PCDH9: variants seen among roughly 807,000 people sequenced by gnomAD.
PCDH9 encodes protocadherin-9.
Under a neutral mutation model 70.6 loss-of-function variants are expected in PCDH9, and 24 were observed. That is an observed-to-expected ratio of 0.34 (90% CI 0.25 to 0.48). PCDH9 has a LOEUF of 0.48. PCDH9 is among the 20% of genes least tolerant of loss of function. The probability of loss-of-function intolerance (pLI) is 0.99; values close to 1 mark genes in which losing one functional copy is unlikely to be tolerated. For missense variants in PCDH9, 1,281 were observed against 1,503.6 expected (o/e 0.85, Z 2.45); for synonymous variants, 562 against 558.5 (o/e 1.01, Z -0.09).
intron 4 of PCDH9, among the ~76,000 whole-genome samples, chr13:66,531,849 T>A (rs1960469811): frequency 6.6e-6 from 1 of 152,174 alleles, no homozygotes; most frequent in Admixed American, 6.5e-5. Flanking sequence ...ATAGCACAAA[T>A]GGAATTTAGA....
intron 2 of PCDH9, among the ~76,000 whole-genome samples, chr13:67,035,958 A>G (rs890947300): frequency 1.3e-5 from 2 of 152,178 alleles, no homozygotes; most frequent in Non-Finnish European, 2.9e-5. Flanking sequence ...CAGATCATTC[A>G]AGCTGTTCCA....
chr13:66,920,847 C>A (rs2082626390), intron 2 of PCDH9, among the ~76,000 whole-genome samples: 1 of 151,118 alleles, frequency 6.6e-6, no homozygotes, highest in Admixed American at 6.6e-5. Context: ...AAAACAATAG[C>A]TTCCTGAATG....
chr13:66,381,335 T>C (rs1454129674), intron 4 of PCDH9, among the ~76,000 whole-genome samples: 2 of 152,196 alleles, frequency 1.3e-5, no homozygotes, highest in Non-Finnish European at 2.9e-5. Context: ...ATTTCCTCAT[T>C]TTATAGTGAC....
At chr13:66,442,351 G>T (rs968438934) in intron 4 of PCDH9, among the ~76,000 whole-genome samples, 1 of 152,108 alleles carries the variant, frequency 6.6e-6, no homozygotes, top group South Asian at 2.1e-4. Flanking sequence ...AAGAGAAAAT[G>T]CATGTTATCC....
At chr13:66,963,793 GAA>G (rs2083388098) in intron 2 of PCDH9, among the ~76,000 whole-genome samples, 1 of 152,120 alleles carries the variant, frequency 6.6e-6, no homozygotes, top group South Asian at 2.1e-4. Context: ...AACGTCCAAT[GAA>G]ATATGGGTTT....
At chr13:66,609,791 T>C (rs796222890) in intron 4 of PCDH9, among the ~76,000 whole-genome samples, 1 of 152,160 alleles carries the variant, frequency 6.6e-6, no homozygotes, top group African/African-American at 2.4e-5. Flanking sequence ...ATTCATAAAA[T>C]ATTCATAAAA....
At chr13:66,626,951 C>CTG (rs10559380) in intron 4 of PCDH9, among the ~76,000 whole-genome samples, 1,792 of 147,470 alleles carry the variant, frequency 0.012, 29 homozygotes, top group African/African-American at 0.038. Flanking sequence ...TCAAATGCCA[C>CTG]TGTGTGTGTG....
At chr13:67,025,044 T>C (rs755333891) in intron 2 of PCDH9, among the ~76,000 whole-genome samples, 4 of 152,132 alleles carry the variant, frequency 2.6e-5, no homozygotes, top group Admixed American at 6.6e-5. Context: ...ATTAGTCACA[T>C]GGAATTTACC....
intron 3 of PCDH9, among the ~76,000 whole-genome samples, chr13:66,734,076 A>G (rs2079112240): frequency 6.6e-6 from 1 of 152,160 alleles, no homozygotes; most frequent in Non-Finnish European, 1.5e-5. Flanking sequence ...GTCTTTGGAT[A>G]TTGGCTAGTT....
chr13:66,939,052 G>C (rs1167801598), intron 2 of PCDH9, among the ~76,000 whole-genome samples: 1 of 151,814 alleles, frequency 6.6e-6, no homozygotes, highest in Non-Finnish European at 1.5e-5. Context: ...ACTACTCTAA[G>C]ATAATGGATT....
chr13:66,942,103 G>T (rs1187023250), intron 2 of PCDH9, among the ~76,000 whole-genome samples: 1 of 151,736 alleles, frequency 6.6e-6, no homozygotes, highest in Non-Finnish European at 1.5e-5. Context: ...ATAATTAGAA[G>T]TTACTCTGAA....
At chr13:67,185,107 G>T (rs375922341) in intron 2 of PCDH9, among the ~76,000 whole-genome samples, 13 of 152,148 alleles carry the variant, frequency 8.5e-5, no homozygotes, top group East Asian at 7.7e-4. Flanking sequence ...AGAGAGCCTG[G>T]CAATTAAAAT....
chr13:66,743,894 G>T (rs1200710669), intron 3 of PCDH9, among the ~76,000 whole-genome samples: 1 of 152,062 alleles, frequency 6.6e-6, no homozygotes, highest in Non-Finnish European at 1.5e-5. Flanking sequence ...AGATGTATTA[G>T]ACGTAATGCC....
Position 67,126,911 on chromosome 13 carries a change from C to T in PCDH9, c.3036+98494G>A, listed in dbSNP as rs535000130. Reference sequence around the variant, plus strand: ...AAATTTTAAAATAGTTAAAATCTGACGCTGGCACTTTCCAAATATCCTTAG... The same window carrying T: ...AAATTTTAAAATAGTTAAAATCTGATGCTGGCACTTTCCAAATATCCTTAG... On this transcript the variant is annotated intron_variant, in intron 2 of 4. Coordinates refer to ENST00000377865, the MANE Select transcript of PCDH9 (RefSeq NM_203487.3). Among the ~76,000 whole-genome samples, 10 of 152,220 alleles carry T rather than the reference C, an allele frequency of 6.6e-5. No homozygotes were observed. In the South Asian group the frequency reaches 1.5e-3, roughly 22 times the overall value.
At chr13:66,624,624 G>A (rs113425946) in intron 4 of PCDH9, among the ~76,000 whole-genome samples, 43 of 152,274 alleles carry the variant, frequency 2.8e-4, no homozygotes, top group African/African-American at 8.2e-4. Flanking sequence ...GGGAACTTTC[G>A]AAAGACTTTA....
chr13:66,699,984 A>G (rs916957234), intron 3 of PCDH9, among the ~76,000 whole-genome samples: 2 of 152,032 alleles, frequency 1.3e-5, no homozygotes, highest in South Asian at 2.1e-4. Context: ...ATTGTTACCT[A>G]TAAAAAATTA....
At chr13:66,605,752 G>A (rs2077214904) in intron 4 of PCDH9, among the ~76,000 whole-genome samples, 1 of 152,068 alleles carries the variant, frequency 6.6e-6, no homozygotes, top group Admixed American at 6.6e-5. Flanking sequence ...ATGATGCAAA[G>A]ACAATATTAT....
intron 2 of PCDH9, among the ~76,000 whole-genome samples, chr13:67,102,326 T>G (rs1352467907): frequency 3.3e-5 from 5 of 152,136 alleles, no homozygotes. Flanking sequence ...TCTCTAGATC[T>G]TTCTCAGCCT....
intron 3 of PCDH9, among the ~76,000 whole-genome samples, chr13:66,677,876 T>C: frequency 6.6e-6 from 1 of 152,242 alleles, no homozygotes. Flanking sequence ...GCACATATAA[T>C]ATTGAATAAA....
Sources: gnomAD v4.1 joint callset for allele counts (sites outside exome capture counted in the v4.1 genomes callset) on GRCh38, gnomAD v4.1.1 for gene constraint, MANE v1.5 for transcripts, NCBI Gene and HGNC (gene_info 2026-07-23, HGNC 2026-07-21) for gene names.